KIF3C: variants seen among roughly 807,000 people sequenced by gnomAD.
KIF3C encodes kinesin family member 3C.
KIF3C carries 12 observed loss-of-function variants against 67.7 expected under a neutral mutation model. The observed-to-expected ratio is 0.18, with a 90% CI of 0.11 to 0.29. The LOEUF is 0.29. Among genes scored for constraint, KIF3C ranks in the 10% least tolerant of loss-of-function variants. The pLI, the probability that KIF3C is intolerant of heterozygous loss-of-function variation, is 1.00. For missense variants in KIF3C, 789 were observed against 1,059.6 expected (o/e 0.74, Z 3.55); for synonymous variants, 393 against 426.2 (o/e 0.92, Z 0.96).
intron 1 of KIF3C, among the ~76,000 whole-genome samples, chr2:25,979,808 G>T (rs908472935): frequency 6.6e-6 from 1 of 152,110 alleles, no homozygotes; most frequent in Admixed American, 6.6e-5. Flanking sequence ...TGGAACCTTG[G>T]TCACGTCACT....
intron 1 of KIF3C, among the ~76,000 whole-genome samples, chr2:25,970,097 T>C (rs968498517): frequency 4.7e-4 from 72 of 152,158 alleles, no homozygotes; most frequent in African/African-American, 1.7e-3. Context: ...AGGACAAAGA[T>C]GAGTTAAATA....
At chr2:25,948,353 G>C (rs1559551311) in intron 5 of KIF3C, among the ~76,000 whole-genome samples, 1 of 152,006 alleles carries the variant, frequency 6.6e-6, no homozygotes, top group South Asian at 2.1e-4. Context: ...CGGACCTCAC[G>C]ACCAGCCTAG....
intron 3 of KIF3C, 23 bp from the exon 4 acceptor site, chr2:25,954,408 C>T (rs762219695): frequency 3.8e-6 from 6 of 1,588,122 alleles, no homozygotes; most frequent in Admixed American, 1.7e-5. Flanking sequence ...AGGTGCCACT[C>T]AGAGGCTGCT....
chr2:25,982,291 G>A lies in KIF3C; in HGVS notation c.-374C>T, dbSNP rs1294428042. 5.0e-6 allele frequency: 2 copies of A among 402,856 alleles called. No homozygotes were observed. The highest frequency in any genetic ancestry group is 8.7e-6 in the Non-Finnish European group (2 of 228,964). 25.0% of individuals were successfully genotyped at this position (402,856 alleles called of 1,614,324 possible). A position where few individuals can be genotyped will look rare whatever the true frequency, so the allele number is the denominator to read the frequency against. On this transcript the variant is annotated 5_prime_UTR_variant, in exon 1 of 8. Transcript: ENST00000264712. ...GAGGAAAATGGGATGGGGGTGGGCG[G>A]CGAGCTGTCTTCTCCTCCTTCCTCT...
rs55659614 is a variant in KIF3C, at chr2:25,962,989, A to T, written c.1546-6545T>A. Reference sequence around the variant, plus strand: ...TATAATATATAATATATAATATATAATATATATAATATATAATATATAATA... The same window carrying T: ...TATAATATATAATATATAATATATATTATATATAATATATAATATATAATA... On this transcript the variant is annotated intron_variant, in intron 1 of 7. Coordinates refer to ENST00000264712, the MANE Select transcript of KIF3C (RefSeq NM_002254.8). Among the ~76,000 whole-genome samples, 55 of 36,466 alleles carry T rather than the reference A, an allele frequency of 1.5e-3. 1 individual carries two copies. Among genetic ancestry groups the T allele is most frequent in the South Asian group, 3.9e-3 (6 of 1,556 alleles). The allele number at this position is 36,466 out of a possible 152,430, so 23.9% of individuals were successfully genotyped here. A position where few individuals can be genotyped will look rare whatever the true frequency, so the allele number is the denominator to read the frequency against.
intron 1 of KIF3C, among the ~76,000 whole-genome samples, chr2:25,957,812 C>T (rs1263880887): frequency 6.6e-6 from 1 of 152,214 alleles, no homozygotes; most frequent in Non-Finnish European, 1.5e-5. Flanking sequence ...GAGGCACGAG[C>T]TTCATTCCAG....
chr2:25,959,275 T>G (rs922436938), intron 1 of KIF3C, among the ~76,000 whole-genome samples: 4 of 152,148 alleles, frequency 2.6e-5, no homozygotes. Context: ...ATTCCTACTA[T>G]TTCTCATAAT....
intron 4 of KIF3C, among the ~76,000 whole-genome samples, chr2:25,953,666 G>GTTTTTTTTT (rs1195374364): frequency 1.1e-5 from 1 of 94,500 alleles, no homozygotes; most frequent in African/African-American, 4.3e-5. Flanking sequence ...GGCCTTTTTT[G>GTTTTTTTTT]TTTTTGTTTT....
Position 25,954,142 on chromosome 2 carries a change from AC to A in KIF3C, c.1889+124del, listed in dbSNP as rs1439851843. 4.1e-6 allele frequency: 3 copies of A among 739,482 alleles called. No homozygotes were observed. In the East Asian group the frequency reaches 7.4e-5, roughly 18 times the overall value. The allele number at this position is 739,482 out of a possible 1,614,324, so 45.8% of individuals were successfully genotyped here. ...CGTGGGCCCATCCCTCAGCCCTCAG[AC>A]GCATTTTATTCCTAAAGGACTCATG... On this transcript the variant is annotated intron_variant, in intron 4 of 7. Transcript: ENST00000264712.
intron 1 of KIF3C, among the ~76,000 whole-genome samples, chr2:25,979,826 G>A (rs1450904252): frequency 6.6e-6 from 1 of 152,160 alleles, no homozygotes; most frequent in Non-Finnish European, 1.5e-5. Context: ...ACTTCTCCAA[G>A]CTTTAATTCC....
At chr2:25,939,331 C>G (rs1451517307) in intron 5 of KIF3C, among the ~76,000 whole-genome samples, 1 of 152,124 alleles carries the variant, frequency 6.6e-6, no homozygotes, top group Non-Finnish European at 1.5e-5. Context: ...TAGTTCCTTC[C>G]TGTGCATTCA....
At chr2:25,974,486 C>T (rs1057488901) in intron 1 of KIF3C, among the ~76,000 whole-genome samples, 1 of 152,176 alleles carries the variant, frequency 6.6e-6, no homozygotes, top group East Asian at 1.9e-4. Context: ...CAGGCATGAG[C>T]CACTGCGCCT....
chr2:25,970,544 A>G (rs2149241804), intron 1 of KIF3C, among the ~76,000 whole-genome samples: 1 of 151,792 alleles, frequency 6.6e-6, no homozygotes, highest in South Asian at 2.1e-4. Flanking sequence ...GGTGGCCACT[A>G]TAATCCCAGC....
intron 1 of KIF3C, among the ~76,000 whole-genome samples, chr2:25,975,831 G>A (rs532140880): frequency 2.0e-3 from 308 of 152,036 alleles, no homozygotes; most frequent in Non-Finnish European, 3.5e-3. Context: ...GGTGGTGGGC[G>A]CCTGTAGTCC....
In KIF3C at chr2:25,980,249, G is replaced by C. The variant is rs1664528348; in HGVS notation, c.1545+124C>G. 1 of 771,014 alleles carries C rather than the reference G, an allele frequency of 1.3e-6. No individual in the cohort carries two copies. The allele number at this position is 771,014 out of a possible 1,614,324, so 47.8% of individuals were successfully genotyped here. On this transcript the variant is annotated intron_variant, in intron 1 of 7. Coordinates refer to ENST00000264712, the MANE Select transcript of KIF3C (RefSeq NM_002254.8). This position sits in a 1 kb window ranked among gnomAD's most constrained non-coding sequence, Gnocchi z 7.6. ...CTCTGGGGGCACATTTGGCAGGAGG[G>C]CAGTGTGCGGTGCTGAGGGAGAACC...
intron 5 of KIF3C, among the ~76,000 whole-genome samples, chr2:25,946,852 CA>C (rs879733630): frequency 5.4e-4 from 75 of 138,682 alleles, no homozygotes; most frequent in Admixed American, 5.1e-4. Context: ...GACTCCATCT[CA>C]AAAAAAAAAA....
intron 1 of KIF3C, among the ~76,000 whole-genome samples, chr2:25,972,520 C>A (rs913268418): frequency 2.0e-5 from 3 of 152,134 alleles, no homozygotes; most frequent in Admixed American, 2.0e-4. Context: ...CCAAACCCAG[C>A]CTGGAGTATG....
chr2:25,935,631 G>A (rs1337054644), intron 5 of KIF3C, among the ~76,000 whole-genome samples: 1 of 151,904 alleles, frequency 6.6e-6, no homozygotes, highest in Non-Finnish European at 1.5e-5. Context: ...CAAAGTGCTG[G>A]GACTTTAAGT....
intron 5 of KIF3C, among the ~76,000 whole-genome samples, chr2:25,946,796 G>GT (rs971843260): frequency 2.0e-4 from 31 of 151,688 alleles, no homozygotes; most frequent in African/African-American, 7.3e-4. Flanking sequence ...GGAGGTTGCA[G>GT]TGAGCCGAGA....
Sources: gnomAD v4.1 joint callset for allele counts (sites outside exome capture counted in the v4.1 genomes callset) on GRCh38, gnomAD v4.1.1 for gene constraint, Gnocchi (gnomAD v3.1) non-coding constraint, MANE v1.5 for transcripts, NCBI Gene and HGNC (gene_info 2026-07-23, HGNC 2026-07-21) for gene names.